ANKFN1: variants seen among roughly 807,000 people sequenced by gnomAD.
ANKFN1 encodes ankyrin repeat and fibronectin type-III domain-containing protein 1.
A neutral mutation model predicts 108.7 loss-of-function variants in ANKFN1; 74 were observed. The observed-to-expected ratio is 0.68, with a 90% CI of 0.56 to 0.83. ANKFN1 has a LOEUF of 0.83. Ranked by LOEUF, ANKFN1 falls within the 40% of genes least tolerant of loss-of-function variation. ANKFN1 has a pLI of 0.00. For synonymous variants in ANKFN1, 547 were observed against 516.2 expected, an observed-to-expected ratio of 1.06 and a Z score of -0.81; for missense variants, 1,505 against 1,382.3, an observed-to-expected ratio of 1.09 and a Z score of -1.41.
chr17:56,170,843 C>CATAT (rs371806147), intron 1 of ANKFN1, among the ~76,000 whole-genome samples: 6 of 133,888 alleles, frequency 4.5e-5, no homozygotes, highest in Non-Finnish European at 9.4e-5. Context: ...CATATACACA[C>CATAT]ATATATATAT....
intron 4 of ANKFN1, among the ~76,000 whole-genome samples, chr17:56,335,269 G>T (rs1354723750): frequency 6.6e-6 from 1 of 152,082 alleles, no homozygotes; most frequent in Admixed American, 6.6e-5. Flanking sequence ...GTCATTGGTA[G>T]CTTGGTGGGG....
chr17:56,190,828 T>C (rs1332500942), intron 1 of ANKFN1, among the ~76,000 whole-genome samples: 25 of 138,568 alleles, frequency 1.8e-4, no homozygotes, highest in Non-Finnish European at 2.8e-4. Context: ...AAGTCTCCCA[T>C]TATTAATGTT....
intron 9 of ANKFN1, among the ~76,000 whole-genome samples, chr17:56,442,202 G>A (rs1374303540): frequency 6.6e-6 from 1 of 152,080 alleles, no homozygotes; most frequent in African/African-American, 2.4e-5. Flanking sequence ...AAATGTGTAT[G>A]CAGCTGAATG....
At chr17:56,413,862 G>T (rs2048164615) in intron 8 of ANKFN1, among the ~76,000 whole-genome samples, 1 of 151,994 alleles carries the variant, frequency 6.6e-6, no homozygotes. Context: ...TGGGATTACA[G>T]AGATGGGGTT....
intron 3 of ANKFN1, among the ~76,000 whole-genome samples, chr17:56,282,121 G>T (rs2144249556): frequency 6.6e-6 from 1 of 152,000 alleles, no homozygotes; most frequent in South Asian, 2.1e-4. Context: ...AATAAATTTT[G>T]GTATATTCAT....
At chr17:56,142,230 G>T (rs1238804335) in intron 4 of ANKFN1, among the ~76,000 whole-genome samples, 1 of 152,040 alleles carries the variant, frequency 6.6e-6, no homozygotes, top group Non-Finnish European at 1.5e-5. Flanking sequence ...CACCTGGCCA[G>T]CTAGGGCTTA....
At chr17:56,306,286 A>G (rs890897922) in intron 3 of ANKFN1, among the ~76,000 whole-genome samples, 2 of 152,206 alleles carry the variant, frequency 1.3e-5, no homozygotes, top group South Asian at 4.1e-4. Context: ...CTAATCCATG[A>G]ACACAGTATG....
chr17:56,298,036 C>A (rs780459763), intron 3 of ANKFN1, among the ~76,000 whole-genome samples: 1 of 152,182 alleles, frequency 6.6e-6, no homozygotes, highest in African/African-American at 2.4e-5. Context: ...GGACTAGAAG[C>A]AGCAGCATCT....
intron 4 of ANKFN1, among the ~76,000 whole-genome samples, chr17:56,130,142 T>C (rs1002557413): frequency 3.9e-5 from 6 of 152,228 alleles, no homozygotes; most frequent in African/African-American, 1.4e-4. Flanking sequence ...AGCAAGACTG[T>C]AGGATGGTTG....
chr17:56,269,758 A>G lies in ANKFN1; in HGVS notation c.53+41801A>G, dbSNP rs377633435. The stretch of plus-strand genomic sequence containing the variant: ...GAAAATGCAACAGAATGCCACATAC[A>G]TCAAGCAGCTTTCACAGTCTGGGGA... On this transcript the variant is annotated intron_variant, in intron 3 of 20. Transcript: ENST00000682825. Among the ~76,000 whole-genome samples the G allele has an allele frequency of 7.5e-4, 115 of 152,364 alleles. 1 individual carries two copies. Among genetic ancestry groups the G allele is most frequent in the Middle Eastern group, 3.4e-3 (1 of 294 alleles).
Position 56,374,597 on chromosome 17 carries a change from C to G in ANKFN1, c.797-4C>G. ...AGATCCTTGTGTTTTTCCTTCTGTC[C>G]CAGGAGCCCCTGAGATGCCAACCAA... On this transcript the variant is annotated splice_region_variant and splice_polypyrimidine_tract_variant and intron_variant, in intron 7 of 20. Coordinates refer to ENST00000682825, the MANE Select transcript of ANKFN1 (RefSeq NM_001370326.1). 1 of 1,608,794 alleles carries G rather than the reference C, an allele frequency of 6.2e-7. No individual in the cohort carries two copies. Among genetic ancestry groups the G allele is most frequent in the Non-Finnish European group, 8.5e-7 (1 of 1,175,626 alleles).
At chr17:56,067,224 G>A (rs1905070371) in intron 4 of ANKFN1, among the ~76,000 whole-genome samples, 1 of 151,534 alleles carries the variant, frequency 6.6e-6, no homozygotes, top group South Asian at 2.1e-4. Context: ...AGTCTGAATA[G>A]TACTCCATTA....
chr17:56,451,348 T>C lies in ANKFN1; in HGVS notation c.1207+2162T>C, dbSNP rs182593490. On this transcript the variant is annotated intron_variant, in intron 11 of 20. Coordinates refer to ENST00000682825, the MANE Select transcript of ANKFN1 (RefSeq NM_001370326.1). ...TCATAATATGCCAAAATAAATTACC[T>C]CATACACACACAAAAAGAATGAATC... 3.3e-5 allele frequency among the ~76,000 whole-genome samples: 5 copies of C among 152,258 alleles called. No individual in the cohort carries two copies. The East Asian group carries it at 9.6e-4, about 29-fold the overall frequency.
intron 1 of ANKFN1, among the ~76,000 whole-genome samples, chr17:56,176,095 G>A (rs1297702509): frequency 2.0e-5 from 3 of 152,122 alleles, no homozygotes. Context: ...TTATCACCCT[G>A]CTGTGAGTCC....
intron 1 of ANKFN1, among the ~76,000 whole-genome samples, chr17:56,161,612 A>G (rs1445087840): frequency 6.6e-6 from 1 of 152,196 alleles, no homozygotes; most frequent in Non-Finnish European, 1.5e-5. Flanking sequence ...TTTTTGTTTG[A>G]TGAAATCAGC....
chr17:56,351,040 AT>A, intron 5 of ANKFN1, 73 bp downstream of exon 5: 1 of 1,460,922 alleles, frequency 6.8e-7, no homozygotes, highest in Non-Finnish European at 9.4e-7. Context: ...ATATTCTAAG[AT>A]GATTCATGTT....
intron 14 of ANKFN1, among the ~76,000 whole-genome samples, chr17:56,460,850 C>A (rs1305564265): frequency 6.6e-6 from 1 of 152,176 alleles, no homozygotes; most frequent in Non-Finnish European, 1.5e-5. Flanking sequence ...CTTCCTTACA[C>A]CCAAACTTCT....
At chr17:56,155,211 T>A (rs1312958197) in intron 1 of ANKFN1, among the ~76,000 whole-genome samples, 5 of 152,214 alleles carry the variant, frequency 3.3e-5, no homozygotes, top group African/African-American at 9.6e-5. Flanking sequence ...CTTGTAACTC[T>A]GACATTTATT....
chr17:56,247,175 A>G (rs1918017420), intron 3 of ANKFN1, among the ~76,000 whole-genome samples: 1 of 152,250 alleles, frequency 6.6e-6, no homozygotes, highest in Non-Finnish European at 1.5e-5. Flanking sequence ...TGCTTTGCAG[A>G]AAACATTGGC....
Sources: gnomAD v4.1 joint callset for allele counts (sites outside exome capture counted in the v4.1 genomes callset) on GRCh38, gnomAD v4.1.1 for gene constraint, MANE v1.5 for transcripts, NCBI Gene and HGNC (gene_info 2026-07-23, HGNC 2026-07-21) for gene names.